CACNA1B: variants seen among roughly 807,000 people sequenced by gnomAD.
CACNA1B encodes voltage-dependent N-type calcium channel subunit alpha-1B.
CACNA1B carries 70 observed loss-of-function variants against 247.2 expected under a neutral mutation model. The ratio of observed to expected loss-of-function variants is 0.28; its 90% CI spans 0.23 to 0.35. The LOEUF is 0.35. Among genes scored for constraint, CACNA1B ranks in the 10% least tolerant of loss-of-function variants. CACNA1B has a pLI of 1.00. For synonymous variants in CACNA1B, 1,231 were observed against 1,294.4 expected, an observed-to-expected ratio of 0.95 and a Z score of 1.05; for missense variants, 2,367 against 3,197.4, an observed-to-expected ratio of 0.74 and a Z score of 6.26.
intron 35 of CACNA1B, 32 bp downstream of exon 35, chr9:138,075,942 T>C: frequency 7.1e-7 from 1 of 1,407,314 alleles, no homozygotes; most frequent in Non-Finnish European, 1.0e-6. Context: ...GGCCAATGTC[T>C]GCTCTTCCGT....
At position 137,957,358 on chromosome 9, in the gene CACNA1B, C is replaced by T. The variant is rs1957961191; in HGVS notation, c.1244-240C>T. On this transcript the variant is annotated intron_variant, in intron 9 of 46. Transcript: ENST00000371372. The surrounding 1 kb of genome is among the most constrained non-coding windows in gnomAD (Gnocchi z 4.7). ...CCTGGTGGCCAGGCCTCCCCACTGG[C>T]CTCATTTTGGAAGAAAGGGAAAGCG... is the stretch of plus-strand genomic sequence containing the variant. Among the ~76,000 whole-genome samples the T allele has an allele frequency of 3.3e-5, 5 of 152,228 alleles. No homozygotes were observed. Among genetic ancestry groups the T allele is most frequent in the Non-Finnish European group, 7.3e-5 (5 of 68,044 alleles).
intron 10 of CACNA1B, among the ~76,000 whole-genome samples, chr9:137,969,345 C>T (rs558931642): frequency 6.6e-6 from 1 of 152,306 alleles, no homozygotes; most frequent in Non-Finnish European, 1.5e-5. Flanking sequence ...GTTGGCATGA[C>T]TATGGTTGTG....
Position 138,059,037 on chromosome 9 carries a change from G to A in CACNA1B, c.4474-42G>A. 8.0e-7 allele frequency: 1 copy of A among 1,243,600 alleles called. No individual in the cohort carries two copies. The highest frequency in any genetic ancestry group is 1.2e-6 in the Non-Finnish European group (1 of 850,342). 77.0% of individuals were successfully genotyped at this position (1,243,600 alleles called of 1,614,324 possible). ...AGTGGTCCCAGATGGGGTGTCTTGGGGCTGCCAAACCCATGGCCAACAGTG... is the reference window on the plus strand; with the variant it reads ...AGTGGTCCCAGATGGGGTGTCTTGGAGCTGCCAAACCCATGGCCAACAGTG... On this transcript the variant is annotated intron_variant, in intron 29 of 46. Coordinates refer to ENST00000371372, the MANE Select transcript of CACNA1B (RefSeq NM_000718.4). This position sits in a 1 kb window ranked among gnomAD's most constrained non-coding sequence, Gnocchi z 4.2.
At chr9:137,989,472 T>C (rs551368820) in intron 15 of CACNA1B, among the ~76,000 whole-genome samples, 1 of 152,126 alleles carries the variant, frequency 6.6e-6, no homozygotes, top group Non-Finnish European at 1.5e-5. Context: ...CTGGAGAACA[T>C]GTGCTCAGAT....
chr9:138,017,467 G>A (rs944479687), intron 18 of CACNA1B, among the ~76,000 whole-genome samples: 9 of 152,168 alleles, frequency 5.9e-5, no homozygotes, highest in African/African-American at 2.2e-4. Flanking sequence ...TGTTGTGTCC[G>A]CTCACTCCGG....
rs1958741128 is a variant in CACNA1B, at chr9:138,012,787, G to C, written c.2161-342G>C. 6.6e-6 allele frequency among the ~76,000 whole-genome samples: 1 copy of C among 151,988 alleles called. No individual in the cohort carries two copies. The highest frequency in any genetic ancestry group is 2.1e-4 in the South Asian group (1 of 4,820). ...TATCCAGGCAGTGGCTGGGTACCTGGGTTAGAGCTCAGAGTAAGGTCAGGA... is the reference window on the plus strand; with the variant it reads ...TATCCAGGCAGTGGCTGGGTACCTGCGTTAGAGCTCAGAGTAAGGTCAGGA... On this transcript the variant is annotated intron_variant, in intron 17 of 46. Transcript: ENST00000371372. This position sits in a 1 kb window ranked among gnomAD's most constrained non-coding sequence, Gnocchi z 4.2.
intron 20 of CACNA1B, among the ~76,000 whole-genome samples, chr9:138,028,145 C>T (rs1334351802): frequency 6.7e-6 from 1 of 149,974 alleles, no homozygotes; most frequent in African/African-American, 2.5e-5. Flanking sequence ...TCCTCAGCCT[C>T]TCGAGTAGCT....
In CACNA1B at chr9:138,025,198, G is replaced by T. The variant is rs768054856; in HGVS notation, c.3286+26G>T. ...GTGAGTATCTCCCTGTGCCAGTGGG[G>T]CAGGGCCCATCTTGTGCAGGTCCAG... On this transcript the variant is annotated intron_variant, in intron 20 of 46. Coordinates refer to ENST00000371372, the MANE Select transcript of CACNA1B (RefSeq NM_000718.4). 4.0e-6 allele frequency: 6 copies of T among 1,505,600 alleles called. No individual in the cohort carries two copies. The East Asian group carries it at 1.2e-4, about 29-fold the overall frequency. The allele number at this position is 1,505,600 out of a possible 1,614,324, so 93.3% of individuals were successfully genotyped here.
rs1276477929 is a variant in CACNA1B at position 138,051,532 on chromosome 9, G to C, written c.3711-560G>C. 7.4e-6 allele frequency among the ~76,000 whole-genome samples: 1 copy of C among 134,978 alleles called. No homozygotes were observed. The highest frequency in any genetic ancestry group is 1.5e-5 in the Non-Finnish European group (1 of 65,756). 88.6% of individuals were successfully genotyped at this position (134,978 alleles called of 152,430 possible). ...CCACCATGCCTCTTGCATTGCCTCT[G>C]TATTCGTCCGACTTTTTCTCTTTCT... On this transcript the variant is annotated intron_variant, in intron 24 of 46. Transcript: ENST00000371372. The surrounding 1 kb of genome is among the most constrained non-coding windows in gnomAD (Gnocchi z 4.3).
At position 138,059,836 on chromosome 9, in the gene CACNA1B, C is replaced by G. The variant is rs1302286940; in HGVS notation, c.4668+99C>G. 4 of 743,750 alleles carry G rather than the reference C, an allele frequency of 5.4e-6. No homozygotes were observed. In the African/African-American group the frequency reaches 7.0e-5, roughly 13 times the overall value. 46.1% of individuals were successfully genotyped at this position (743,750 alleles called of 1,614,324 possible). ...CTCCAGGCCCTGTGTTAGCCTCTTC[C>G]TGGGTTCCGCAGAACCCCCTGGACA... On this transcript the variant is annotated intron_variant, in intron 31 of 46. Coordinates refer to ENST00000371372, the MANE Select transcript of CACNA1B (RefSeq NM_000718.4). This position sits in a 1 kb window ranked among gnomAD's most constrained non-coding sequence, Gnocchi z 4.2.
chr9:137,958,326 C>T (rs1024272238), intron 10 of CACNA1B, among the ~76,000 whole-genome samples: 16 of 152,226 alleles, frequency 1.1e-4, no homozygotes, highest in African/African-American at 3.9e-4. Context: ...ATGTACCCTT[C>T]CCTATTTCTC....
rs1962079563 is a variant in CACNA1B, at chr9:138,121,137, G to A, written c.6489+256G>A. Among the ~76,000 whole-genome samples, 1 of 152,062 alleles carries A rather than the reference G, an allele frequency of 6.6e-6. No homozygotes were observed. On this transcript the variant is annotated intron_variant, in intron 46 of 46. Transcript: ENST00000371372. The surrounding 1 kb of genome is among the most constrained non-coding windows in gnomAD (Gnocchi z 6.8). The stretch of plus-strand genomic sequence containing the variant: ...TGCGTCCTATCCACTTTCGGACCTG[G>A]GCCCCCAAATACTTACCTCTCTCTC...
intron 39 of CACNA1B, among the ~76,000 whole-genome samples, chr9:138,111,857 C>T (rs1157077525): frequency 6.6e-6 from 1 of 152,172 alleles, no homozygotes; most frequent in East Asian, 1.9e-4. Context: ...GATGGCCGTC[C>T]TGTCCACAGC....
intron 37 of CACNA1B, among the ~76,000 whole-genome samples, chr9:138,097,300 C>A (rs1192714056): frequency 6.6e-6 from 1 of 152,074 alleles, no homozygotes; most frequent in African/African-American, 2.4e-5. Context: ...GGAGGAGTCG[C>A]ATGAAGGGCA....
At chr9:138,075,996 G>A (rs768497847) in intron 35 of CACNA1B, 86 bp downstream of exon 35, 12 of 866,786 alleles carry the variant, frequency 1.4e-5, no homozygotes, top group African/African-American at 6.6e-5. Flanking sequence ...GGTGTCAACC[G>A]TGGAGACCAC....
At chr9:138,066,735 C>A (rs904608300) in intron 31 of CACNA1B, among the ~76,000 whole-genome samples, 1 of 152,024 alleles carries the variant, frequency 6.6e-6, no homozygotes, top group African/African-American at 2.4e-5. Flanking sequence ...GAGATAACAG[C>A]TGAAGCAGTA....
intron 15 of CACNA1B, among the ~76,000 whole-genome samples, chr9:137,997,969 T>C (rs1958519177): frequency 6.6e-6 from 1 of 152,250 alleles, no homozygotes; most frequent in Non-Finnish European, 1.5e-5. Flanking sequence ...TAAATGTATT[T>C]ATAGCGTATG....
At chr9:137,887,164 C>T (rs1314518529) in intron 3 of CACNA1B, among the ~76,000 whole-genome samples, 4 of 151,830 alleles carry the variant, frequency 2.6e-5, no homozygotes, top group Non-Finnish European at 1.5e-5. Context: ...CATGCAGAGG[C>T]CTCTGCAGAG....
rs373229341 is a variant in CACNA1B, at chr9:137,936,336, T to C, written c.967-15938T>C. ...CCCACTTTTTGATGGGGTTGTTTGA[T>C]TTTTTCCTGTAAATTTGTTTAAGTT... On this transcript the variant is annotated intron_variant, in intron 6 of 46. Coordinates refer to ENST00000371372, the MANE Select transcript of CACNA1B (RefSeq NM_000718.4). Among the ~76,000 whole-genome samples the C allele has an allele frequency of 1.5e-4, 23 of 152,330 alleles. 1 individual carries two copies. In the East Asian group the frequency reaches 1.9e-3, roughly 13 times the overall value.
Sources: gnomAD v4.1 joint callset for allele counts (sites outside exome capture counted in the v4.1 genomes callset) on GRCh38, gnomAD v4.1.1 for gene constraint, Gnocchi (gnomAD v3.1) non-coding constraint, MANE v1.5 for transcripts, NCBI Gene and HGNC (gene_info 2026-07-23, HGNC 2026-07-21) for gene names.